ZFHX3: variants seen among roughly 807,000 people sequenced by gnomAD.
The protein encoded by ZFHX3 is zinc finger homeobox 3.
ZFHX3 carries 42 observed loss-of-function variants against 279.1 expected under a neutral mutation model. The ratio of observed to expected loss-of-function variants is 0.15; its 90% CI spans 0.12 to 0.19. The LOEUF (loss-of-function observed/expected upper bound fraction) is 0.19. Among genes scored for constraint, ZFHX3 ranks in the 10% least tolerant of loss-of-function variants. The pLI, the probability that ZFHX3 is intolerant of heterozygous loss-of-function variation, is 1.00. For missense variants in ZFHX3, 4,981 were observed against 4,754.0 expected (o/e 1.05, Z -1.40); for synonymous variants, 2,293 against 1,957.8 (o/e 1.17, Z -4.52).
chr16:73,371,030 C>A (rs895156249), intron 3 of ZFHX3, among the ~76,000 whole-genome samples: 13 of 152,022 alleles, frequency 8.6e-5, no homozygotes, highest in African/African-American at 3.1e-4. Flanking sequence ...TCTCTTAAGA[C>A]CTCATCATTG....
upstream of ZFHX3, chr16:73,060,502 G>GTCTCTCTC (rs149114094): frequency 1.4e-5 from 2 of 148,146 alleles, no homozygotes; most frequent in African/African-American, 5.0e-5. Flanking sequence ...GTGTCTGTCT[G>GTCTCTCTC]TCTCTCTCTC....
intron 1 of ZFHX3, among the ~76,000 whole-genome samples, chr16:72,979,920 T>C (rs1962512414): frequency 6.6e-6 from 1 of 152,132 alleles, no homozygotes; most frequent in Admixed American, 6.5e-5. Flanking sequence ...CTATTTACAA[T>C]GTCCAAGAGA....
chr16:73,323,476 A>G (rs1414962001), intron 3 of ZFHX3, among the ~76,000 whole-genome samples: 2 of 152,214 alleles, frequency 1.3e-5, no homozygotes, highest in African/African-American at 4.8e-5. Context: ...ATCATTCAGA[A>G]GAACAAGAGT....
chr16:73,747,714 T>G (rs1419248084), intron 1 of ZFHX3, among the ~76,000 whole-genome samples: 2 of 152,190 alleles, frequency 1.3e-5, no homozygotes, highest in African/African-American at 4.8e-5. Context: ...TTATTGTATA[T>G]ATACAACTTG....
At chr16:73,642,546 C>T (rs1205792479) in intron 2 of ZFHX3, among the ~76,000 whole-genome samples, 1 of 152,176 alleles carries the variant, frequency 6.6e-6, no homozygotes, top group African/African-American at 2.4e-5. Flanking sequence ...TGTTTACAGC[C>T]ACTTGAAATA....
intron 2 of ZFHX3, among the ~76,000 whole-genome samples, chr16:73,622,993 T>C (rs2052379298): frequency 6.6e-6 from 1 of 152,124 alleles, no homozygotes; most frequent in South Asian, 2.1e-4. Flanking sequence ...AGGCGATAGA[T>C]TACAAAACAA....
intron 2 of ZFHX3, among the ~76,000 whole-genome samples, chr16:73,675,322 T>G (rs776714925): frequency 7.9e-5 from 12 of 151,998 alleles, no homozygotes; most frequent in Non-Finnish European, 1.3e-4. Flanking sequence ...ATTAGAGAGC[T>G]CATTTCCCAA....
At chr16:73,684,391 G>C (rs895917879) in intron 1 of ZFHX3, among the ~76,000 whole-genome samples, 1 of 151,904 alleles carries the variant, frequency 6.6e-6, no homozygotes, top group Non-Finnish European at 1.5e-5. Flanking sequence ...GAGCGAATTA[G>C]ACTATAGGAA....
chr16:73,427,318 C>A (rs111549439), intron 3 of ZFHX3, among the ~76,000 whole-genome samples: 8 of 152,206 alleles, frequency 5.3e-5, no homozygotes, highest in African/African-American at 1.9e-4. Flanking sequence ...ATCCCATTCA[C>A]CATCATTCTG....
At chr16:73,577,960 T>C (rs1427921343) in intron 2 of ZFHX3, among the ~76,000 whole-genome samples, 2 of 152,222 alleles carry the variant, frequency 1.3e-5, no homozygotes, top group Admixed American at 1.3e-4. Flanking sequence ...ATGCAGACTC[T>C]AAAACTTTTC....
At chr16:73,657,993 TTGAC>T (rs1022798641) in intron 2 of ZFHX3, among the ~76,000 whole-genome samples, 5 of 152,250 alleles carry the variant, frequency 3.3e-5, no homozygotes, top group South Asian at 2.1e-4. Context: ...ATTTTAATAT[TTGAC>T]TGTAAGTCAG....
chr16:72,880,521 A>G lies in ZFHX3; in HGVS notation c.3448+9210T>C, dbSNP rs58080027. Among the ~76,000 whole-genome samples the G allele has an allele frequency of 4.2e-3, 645 of 152,310 alleles. 9 individuals carry two copies. The highest frequency in any genetic ancestry group is 0.015 in the African/African-American group (618 of 41,570). ...AGAAGCCAAAACTGCCGGCACCTGGATCTTGAACCTTTAGCGTCCAGAACT... is the reference window on the plus strand; with the variant it reads ...AGAAGCCAAAACTGCCGGCACCTGGGTCTTGAACCTTTAGCGTCCAGAACT... On this transcript the variant is annotated intron_variant, in intron 4 of 9. Transcript: ENST00000268489.
intron 1 of ZFHX3, among the ~76,000 whole-genome samples, chr16:73,693,785 C>T (rs1202942242): frequency 2.0e-5 from 3 of 152,246 alleles, no homozygotes; most frequent in African/African-American, 4.8e-5. Flanking sequence ...AGATTTACTT[C>T]GAAATCCTTT....
At chr16:73,842,093 G>A (rs1410791277) in intron 1 of ZFHX3, among the ~76,000 whole-genome samples, 6 of 151,938 alleles carry the variant, frequency 3.9e-5, no homozygotes, top group Non-Finnish European at 5.9e-5. Flanking sequence ...GCGCACGCCT[G>A]TAATCCCAGC....
In ZFHX3 at chr16:73,473,938, C is replaced by T. The variant is rs570775543; in HGVS notation, c.-1546-17680G>A. On this transcript the variant is annotated intron_variant, in intron 2 of 17. Transcript: ENST00000641206. ...CCCTTCTGATGCCTGCACAAGATCC[C>T]GATGACAGCATTATTTGCTTGAATT... is the stretch of plus-strand genomic sequence containing the variant. Among the ~76,000 whole-genome samples the T allele has an allele frequency of 4.6e-5, 7 of 152,088 alleles. No individual in the cohort carries two copies. The East Asian group carries it at 1.2e-3, about 25-fold the overall frequency.
In ZFHX3 at chr16:73,562,422, T is replaced by C. The variant is rs542765387; in HGVS notation, c.-1546-106164A>G. On this transcript the variant is annotated intron_variant, in intron 2 of 17. Coordinates refer to the ZFHX3 transcript ENST00000641206. ...CATCCTGGCTAACACGGTGAAACCC[T>C]GTCTCTACTAAAAATACATAAAAAT... Among the ~76,000 whole-genome samples the C allele has an allele frequency of 5.5e-3, 837 of 151,998 alleles. 7 individuals carry two copies. Among genetic ancestry groups the C allele is most frequent in the Non-Finnish European group, 9.3e-3 (633 of 67,960 alleles).
At chr16:73,574,497 A>G (rs1041407153) in intron 2 of ZFHX3, among the ~76,000 whole-genome samples, 20 of 152,146 alleles carry the variant, frequency 1.3e-4, no homozygotes, top group Admixed American at 5.2e-4. Flanking sequence ...ATTCTTTGGG[A>G]GTAGAGACCA....
chr16:72,913,803 A>G (rs2039376639), intron 3 of ZFHX3, among the ~76,000 whole-genome samples: 1 of 152,238 alleles, frequency 6.6e-6, no homozygotes, highest in African/African-American at 2.4e-5. Context: ...GTCTATCTAG[A>G]AAGTCAGAGT....
intron 4 of ZFHX3, among the ~76,000 whole-genome samples, chr16:73,313,925 T>TG (rs2015387041): frequency 6.6e-6 from 1 of 152,120 alleles, no homozygotes; most frequent in Non-Finnish European, 1.5e-5. Context: ...TTGGGTAACG[T>TG]GGGGAAACCC....
Sources: gnomAD v4.1 joint callset for allele counts (sites outside exome capture counted in the v4.1 genomes callset) on GRCh38, gnomAD v4.1.1 for gene constraint, MANE v1.5 for transcripts, NCBI Gene and HGNC (gene_info 2026-07-23, HGNC 2026-07-21) for gene names.